The following TRMT9B variants were observed in gnomAD, a reference collection of about 807,000 sequenced individuals.
TRMT9B encodes the protein tRNA methyltransferase 9B (putative).
TRMT9B carries 16 observed loss-of-function variants against 11.5 expected under a neutral mutation model. That is an observed-to-expected ratio of 1.39 (90% CI 0.94 to 2.11). The LOEUF is 2.11. Ranked by LOEUF, TRMT9B falls within the 30% of genes most tolerant of loss-of-function variation. TRMT9B has a pLI of 0.00. For missense variants in TRMT9B, 941 were observed against 553.8 expected, an observed-to-expected ratio of 1.70 and a Z score of -7.02; for synonymous variants, 274 against 192.4, an observed-to-expected ratio of 1.42 and a Z score of -3.51.
rs1815056511 is a variant in TRMT9B, at chr8:13,029,034, G to A, written c.*6990G>A. 1 of 166,614 alleles carries A rather than the reference G, an allele frequency of 6.0e-6. No homozygotes were observed. Among genetic ancestry groups the A allele is most frequent in the South Asian group, 2.1e-4 (1 of 4,824 alleles). The allele number at this position is 166,614 out of a possible 1,614,324, so 10.3% of individuals were successfully genotyped here. Reference sequence around the variant, plus strand: ...TATGCTCTCTTAAATATGTATGTCTGTAAATATATATATAACACACATATA... The same window carrying A: ...TATGCTCTCTTAAATATGTATGTCTATAAATATATATATAACACACATATA... On this transcript the variant is annotated 3_prime_UTR_variant, in exon 5 of 5. Transcript: ENST00000524591.
intron 2 of TRMT9B, among the ~76,000 whole-genome samples, chr8:13,004,748 G>A (rs1810108733): frequency 6.6e-6 from 1 of 152,058 alleles, no homozygotes; most frequent in South Asian, 2.1e-4. Flanking sequence ...CCCATCTGTG[G>A]TGGCTATGGG....
At chr8:12,955,446 T>C (rs951095791) in intron 1 of TRMT9B, among the ~76,000 whole-genome samples, 3 of 152,104 alleles carry the variant, frequency 2.0e-5, no homozygotes, top group Non-Finnish European at 4.4e-5. Flanking sequence ...TTCTTTTCTC[T>C]CTAGGGGTCC....
intron 2 of TRMT9B, among the ~76,000 whole-genome samples, chr8:12,993,568 G>A (rs2128880412): frequency 6.6e-6 from 1 of 152,316 alleles, no homozygotes; most frequent in African/African-American, 2.4e-5. Flanking sequence ...GACTAGCTGA[G>A]ATACTAGGGG....
intron 1 of TRMT9B, among the ~76,000 whole-genome samples, chr8:12,954,898 C>T (rs896292168): frequency 3.3e-5 from 5 of 152,130 alleles, no homozygotes; most frequent in African/African-American, 9.7e-5. Flanking sequence ...TTAAAAAGCC[C>T]AGCTCTGAGC....
chr8:12,998,793 G>C (rs192696094), intron 2 of TRMT9B, among the ~76,000 whole-genome samples: 149 of 152,322 alleles, frequency 9.8e-4, no homozygotes, highest in African/African-American at 3.4e-3. Context: ...CAGTTCCTCA[G>C]AATATTTTTA....
chr8:13,006,703 T>C, intron 3 of TRMT9B: 2 of 1,275,508 alleles, frequency 1.6e-6, no homozygotes, highest in African/African-American at 3.0e-5. Context: ...AGTTTCACTC[T>C]TGTCAACCAG....
At chr8:13,017,399 C>T (rs1220108212) in intron 4 of TRMT9B, among the ~76,000 whole-genome samples, 2 of 152,060 alleles carry the variant, frequency 1.3e-5, no homozygotes, top group African/African-American at 2.4e-5. Context: ...CTTTAGGATG[C>T]ATATATTGAG....
intron 1 of TRMT9B, among the ~76,000 whole-genome samples, chr8:12,951,067 G>A (rs1353955188): frequency 6.6e-6 from 1 of 152,204 alleles, no homozygotes; most frequent in Non-Finnish European, 1.5e-5. Flanking sequence ...CTGGAAGAAA[G>A]TAGTTAACGC....
Position 13,021,761 on chromosome 8 carries a change from A to G in TRMT9B, c.1082A>G (p.Asp361Gly). ...DSTNTGVNCV[D>G]AGNIEDDNPS... is the part of the protein sequence containing the mutation. ...ACTAATACTGGTGTGAATTGTGTGGATGCAGGCAACATAGAAGATGATAAT... is the reference window on the plus strand; with the variant it reads ...ACTAATACTGGTGTGAATTGTGTGGGTGCAGGCAACATAGAAGATGATAAT... The change falls in exon 5 of 5, where the codon GAT (aspartate) becomes GGT (glycine). Residue 361 changes from aspartate (D) to glycine (G), a missense_variant. Transcript: ENST00000524591. 6.2e-7 allele frequency: 1 copy of G among 1,614,006 alleles called. No homozygotes were observed. The highest frequency in any genetic ancestry group is 8.5e-7 in the Non-Finnish European group (1 of 1,179,902).
chr8:13,001,035 C>T (rs889446488), intron 2 of TRMT9B, among the ~76,000 whole-genome samples: 3 of 152,164 alleles, frequency 2.0e-5, no homozygotes, highest in Non-Finnish European at 4.4e-5. Flanking sequence ...CTAGACTTCC[C>T]CAATCTTTCT....
chr8:13,006,390 C>A lies in TRMT9B; in HGVS notation c.154+34C>A, dbSNP rs768537486. 4 of 765,940 alleles carry A rather than the reference C, an allele frequency of 5.2e-6. No individual in the cohort carries two copies. In the East Asian group the frequency reaches 1.1e-4, roughly 20 times the overall value. 47.4% of individuals were successfully genotyped at this position (765,940 alleles called of 1,614,324 possible). ...GCAGCCTCATCGCTGACATAGGTAA[C>A]CAGGCAGCCTCATCGCTGACATAGG... On this transcript the variant is annotated intron_variant, in intron 3 of 4. Transcript: ENST00000524591.
intron 1 of TRMT9B, among the ~76,000 whole-genome samples, chr8:12,980,274 G>C (rs1404529189): frequency 2.6e-5 from 4 of 152,122 alleles, no homozygotes; most frequent in African/African-American, 9.7e-5. Context: ...TTGTGCTAGT[G>C]TAACTCCAAT....
chr8:13,021,858 G>C lies in TRMT9B; in HGVS notation c.1179G>C (p.Met393Ile). 1 of 1,613,846 alleles carries C rather than the reference G, an allele frequency of 6.2e-7. No individual in the cohort carries two copies. The change falls in exon 5 of 5, where the codon ATG becomes ATC. Residue 393 changes from methionine to isoleucine, a missense_variant. Physicochemically the swap from Met to Ile is conservative, Grantham distance 10. Coordinates refer to ENST00000524591, the MANE Select transcript of TRMT9B (RefSeq NM_020844.3). ...DSTDFNPDDT[M>I]SVEDPQTDVL... The stretch of plus-strand genomic sequence containing the variant: ...CAGATTTCAACCCAGATGATACAAT[G>C]TCTGTCGAAGATCCACAGACTGATG...
At chr8:12,953,661 G>C (rs1284453907) in intron 1 of TRMT9B, among the ~76,000 whole-genome samples, 1 of 152,212 alleles carries the variant, frequency 6.6e-6, no homozygotes, top group African/African-American at 2.4e-5. Flanking sequence ...TTGGGGAAGG[G>C]AGAGTTAGAA....
chr8:12,968,140 C>G (rs1585126846), intron 1 of TRMT9B, among the ~76,000 whole-genome samples: 1 of 152,360 alleles, frequency 6.6e-6, no homozygotes, highest in South Asian at 2.1e-4. Context: ...CCACCTCGAT[C>G]TCTCTAAGTG....
intron 3 of TRMT9B, chr8:13,011,486 A>G: frequency 2.0e-6 from 2 of 982,100 alleles, no homozygotes; most frequent in Middle Eastern, 5.2e-4. Flanking sequence ...TTCATCAGTA[A>G]TGCCAATAAG....
chr8:12,985,442 A>G lies in TRMT9B; in HGVS notation c.-199-5392A>G, dbSNP rs554610062. Among the ~76,000 whole-genome samples the G allele has an allele frequency of 2.4e-4, 36 of 152,294 alleles. 1 individual carries two copies. The Middle Eastern group carries it at 0.014, about 58-fold the overall frequency. On this transcript the variant is annotated intron_variant, in intron 1 of 4. Transcript: ENST00000524591. Reference sequence around the variant, plus strand: ...TGGCTCATTATTCAAAGGGAGTTGGAACCAGAGTCAAAGTGTCACCCCAAT... The same window carrying G: ...TGGCTCATTATTCAAAGGGAGTTGGGACCAGAGTCAAAGTGTCACCCCAAT...
intron 1 of TRMT9B, among the ~76,000 whole-genome samples, chr8:12,970,580 C>A (rs1489192365): frequency 6.6e-6 from 1 of 152,188 alleles, no homozygotes; most frequent in East Asian, 1.9e-4. Flanking sequence ...GCTGTGCTGA[C>A]CTTTTTTGAG....
intron 1 of TRMT9B, among the ~76,000 whole-genome samples, chr8:12,967,567 G>T (rs1802994349): frequency 6.6e-6 from 1 of 152,168 alleles, no homozygotes; most frequent in South Asian, 2.1e-4. Flanking sequence ...ATTGTTTTTA[G>T]CTTTTCTCCA....
Sources: allele counts gnomAD v4.1 joint callset (sites outside exome capture counted in the v4.1 genomes callset), GRCh38; gene constraint gnomAD v4.1.1; transcripts MANE v1.5; gene names NCBI Gene and HGNC (gene_info 2026-07-23, HGNC 2026-07-21).